The following WDR64 variants were observed in gnomAD, a reference collection of about 807,000 sequenced individuals.
WDR64 encodes WD repeat domain 64.
In WDR64, 112 loss-of-function variants were observed where a neutral mutation model predicts 139.3. The ratio of observed to expected loss-of-function variants is 0.80; its 90% confidence interval spans 0.69 to 0.94. The LOEUF (loss-of-function observed/expected upper bound fraction) is 0.94, where lower values mean the gene tolerates loss of function less well. Among genes scored for constraint, WDR64 ranks in the 40% least tolerant of loss-of-function variants. The probability of loss-of-function intolerance (pLI) is 0.00; values close to 1 mark genes in which losing one functional copy is unlikely to be tolerated. For missense variants in WDR64, 1,206 were observed against 1,293.1 expected, an observed-to-expected ratio of 0.93 and a Z score of 1.03; for synonymous variants, 444 against 437.7, an observed-to-expected ratio of 1.01 and a Z score of -0.18.
chr1:241,731,387 C>G (rs150642649), intron 10 of WDR64, among the ~76,000 whole-genome samples: 1 of 151,944 alleles, frequency 6.6e-6, no homozygotes, highest in Non-Finnish European at 1.5e-5. Context: ...TAAATATGTC[C>G]TAACATAGAT....
At position 241,708,556 on chromosome 1, in the gene WDR64, C is replaced by T. The variant is rs527889849; in HGVS notation, c.975-3246C>T. Among the ~76,000 whole-genome samples the T allele has an allele frequency of 1.8e-4, 27 of 152,250 alleles. No homozygotes were observed. In the East Asian group the frequency reaches 3.7e-3, roughly 21 times the overall value. On this transcript the variant is annotated intron_variant, in intron 8 of 27. Transcript: ENST00000437684. The stretch of plus-strand genomic sequence containing the variant: ...CTCGACCTCCTGACCTCACATGATC[C>T]GCCCGCCTTGGCCTCCCAAAGTGCT...
chr1:241,801,355 G>T lies in WDR64; in HGVS notation c.*140G>T. On this transcript the variant is annotated 3_prime_UTR_variant, in exon 28 of 28. Transcript: ENST00000437684. ...GTCAGGCCATCCTATTGATGGGAAA[G>T]ATTGCTTAGGGAGTTCTGGTGACCT... 1 of 701,082 alleles carries T rather than the reference G, an allele frequency of 1.4e-6. No individual in the cohort carries two copies. The highest frequency in any genetic ancestry group is 2.1e-5 in the South Asian group (1 of 46,844). 43.4% of individuals were successfully genotyped at this position (701,082 alleles called of 1,614,324 possible).
At chr1:241,692,582 C>A (rs1315691374) in intron 8 of WDR64, among the ~76,000 whole-genome samples, 1 of 152,158 alleles carries the variant, frequency 6.6e-6, no homozygotes, top group Non-Finnish European at 1.5e-5. Context: ...AGCTGTACTT[C>A]ATTAAAATTG....
chr1:241,700,168 C>CT (rs543704910), intron 8 of WDR64, among the ~76,000 whole-genome samples: 260 of 139,564 alleles, frequency 1.9e-3, no homozygotes, highest in Non-Finnish European at 2.4e-3. Flanking sequence ...GAATCTGTTT[C>CT]TTTTTTTTTT....
chr1:241,737,068 T>C (rs1227165659), intron 10 of WDR64, among the ~76,000 whole-genome samples: 1 of 152,240 alleles, frequency 6.6e-6, no homozygotes, highest in Non-Finnish European at 1.5e-5. Context: ...CCTCTACTTG[T>C]CTCTCATTCT....
rs570088437 is a variant in WDR64, at chr1:241,683,356, A to T, written c.625-131A>T. On this transcript the variant is annotated intron_variant, in intron 6 of 27. Transcript: ENST00000437684. ...TATTTGGTTAACTGGTTTTTTTCTC[A>T]AATTATCTTATAAGATAGGTGTATC... is the stretch of plus-strand genomic sequence containing the variant. 28 of 823,580 alleles carry T rather than the reference A, an allele frequency of 3.4e-5. No homozygotes were observed. In the East Asian group the frequency reaches 6.7e-4, roughly 20 times the overall value. 51.0% of individuals were successfully genotyped at this position (823,580 alleles called of 1,614,324 possible).
Position 241,703,045 on chromosome 1 carries a change from C to T in WDR64, c.975-8757C>T, listed in dbSNP as rs1367922765. Among the ~76,000 whole-genome samples, 1 of 152,138 alleles carries T rather than the reference C, an allele frequency of 6.6e-6. No individual in the cohort carries two copies. The highest frequency in any genetic ancestry group is 3.2e-3 in the Middle Eastern group (1 of 314). ...AGAGGCAGTAATACAGAGTTAGGGC[C>T]ACTTTTTAAAAATGCCTTACCTGAG... is the stretch of plus-strand genomic sequence containing the variant. On this transcript the variant is annotated intron_variant, in intron 8 of 27. Transcript: ENST00000437684. This position sits in a 1 kb window ranked among gnomAD's most constrained non-coding sequence, Gnocchi z 5.9.
At chr1:241,762,100 A>T (rs1657935996) in intron 15 of WDR64, among the ~76,000 whole-genome samples, 1 of 152,220 alleles carries the variant, frequency 6.6e-6, no homozygotes, top group South Asian at 2.1e-4. Flanking sequence ...AACCAGATTT[A>T]TCATAGGAAC....
intron 23 of WDR64, among the ~76,000 whole-genome samples, chr1:241,784,952 T>TAAAAAAAAAAAAAAAAA (rs1558524295): frequency 1.8e-5 from 1 of 55,316 alleles, no homozygotes; most frequent in African/African-American, 7.8e-5. Context: ...AGACTCTGTC[T>TAAAAAAAAAAAAAAAAA]GAAAAAAAAA....
chr1:241,795,358 G>T (rs1659334471), intron 26 of WDR64, 71 bp downstream of exon 26: 2 of 1,379,540 alleles, frequency 1.4e-6, no homozygotes, highest in African/African-American at 1.4e-5. Flanking sequence ...TCCTGACCCT[G>T]GGCTACCAAG....
intron 1 of WDR64, among the ~76,000 whole-genome samples, chr1:241,654,113 T>C (rs962047920): frequency 1.3e-5 from 2 of 152,180 alleles, no homozygotes; most frequent in African/African-American, 4.8e-5. Flanking sequence ...CAAACCCCCC[T>C]TTTCCACTTC....
intron 10 of WDR64, among the ~76,000 whole-genome samples, chr1:241,725,142 G>A (rs1441487236): frequency 6.6e-6 from 1 of 152,122 alleles, no homozygotes; most frequent in Non-Finnish European, 1.5e-5. Flanking sequence ...GGAGTGAAGG[G>A]CAAAGGTTTA....
intron 2 of WDR64, among the ~76,000 whole-genome samples, chr1:241,666,966 A>G (rs1364668333): frequency 1.3e-5 from 2 of 152,236 alleles, no homozygotes; most frequent in Admixed American, 6.5e-5. Context: ...GAAGCACTGA[A>G]TACTTCCTTG....
rs1348620428 is a variant in WDR64 at position 241,675,003 on chromosome 1, CT to C, written c.483+257del. Among the ~76,000 whole-genome samples, 306 of 39,216 alleles carry C rather than the reference CT, an allele frequency of 7.8e-3. 39 individuals are homozygous for C. Among genetic ancestry groups the C allele is most frequent in the Middle Eastern group, 0.019 (1 of 52 alleles). The allele number at this position is 39,216 out of a possible 152,430, so 25.7% of individuals were successfully genotyped here. On this transcript the variant is annotated intron_variant, in intron 4 of 27. Transcript: ENST00000437684. ...TTCTTTCCTCCCTTTCTCCCTCCCT[CT>C]CTTCCTTCCTTTCTTCTTCCTTCCC...
At chr1:241,757,186 A>T in intron 14 of WDR64, 97 bp from the exon 15 acceptor site, 1 of 1,087,490 alleles carries the variant, frequency 9.2e-7, no homozygotes, top group Non-Finnish European at 1.3e-6. Flanking sequence ...GCTAGATGGT[A>T]GATACATCAT....
intron 15 of WDR64, among the ~76,000 whole-genome samples, chr1:241,759,332 T>G (rs775144685): frequency 6.6e-6 from 1 of 152,190 alleles, no homozygotes; most frequent in Non-Finnish European, 1.5e-5. Context: ...TATATACAGT[T>G]AAGTTTGCTT....
intron 9 of WDR64, 66 bp from the exon 10 acceptor site, chr1:241,723,231 G>T: frequency 6.3e-7 from 1 of 1,581,784 alleles, no homozygotes; most frequent in Non-Finnish European, 8.7e-7. Flanking sequence ...ATGATACAGT[G>T]AGAGATACAT....
chr1:241,674,755 C>T lies in WDR64; in HGVS notation c.483+8C>T, dbSNP rs67170285. 967,928 of 1,503,226 alleles carry T rather than the reference C, an allele frequency of 0.64. 316,578 individuals are homozygous for T. Among genetic ancestry groups the T allele is most frequent in the Non-Finnish European group, 0.68 (751,723 of 1,112,850 alleles). 93.1% of individuals were successfully genotyped at this position (1,503,226 alleles called of 1,614,324 possible). A position where few individuals can be genotyped will look rare whatever the true frequency, so the allele number is the denominator to read the frequency against. ...ACAGTTTTTAATAACCAGGTAATTT[C>T]TTTTTCTTTTTTTAACTGAATGACT... is the stretch of plus-strand genomic sequence containing the variant. On this transcript the variant is annotated splice_region_variant and intron_variant, in intron 4 of 27. Transcript: ENST00000437684.
Position 241,757,458 on chromosome 1 carries a change from A to AT in WDR64, c.1947dup (p.Asn650Ter). ...GAGAGGAACTTTTCTCAACCTACTG[A>AT]TGTAAGTTTCCTCTCTTGGTTTCTT... On this transcript the variant is annotated frameshift_variant and splice_region_variant, in exon 15 of 28. Transcript: ENST00000437684. LOFTEE classifies it high-confidence loss of function. The AT allele has an allele frequency of 6.2e-7, 1 of 1,602,680 alleles. No homozygotes were observed. Among genetic ancestry groups the AT allele is most frequent in the East Asian group, 2.2e-5 (1 of 44,676 alleles).
Sources: allele counts gnomAD v4.1 joint callset (sites outside exome capture counted in the v4.1 genomes callset), GRCh38; gene constraint gnomAD v4.1.1; non-coding constraint Gnocchi (gnomAD v3.1); transcripts MANE v1.5; gene names NCBI Gene and HGNC (gene_info 2026-07-23, HGNC 2026-07-21).